Variants in SLC8A1 observed in about 807,000 individuals in gnomAD.
The protein encoded by SLC8A1 is solute carrier family 8 member A1, also known as sodium/calcium exchanger 1.
A neutral mutation model predicts 68.3 loss-of-function variants in SLC8A1; 18 were observed. That is an observed-to-expected ratio of 0.26 (90% CI 0.18 to 0.39). The LOEUF (loss-of-function observed/expected upper bound fraction) is 0.39. Among genes scored for constraint, SLC8A1 ranks in the 10% least tolerant of loss-of-function variants. The probability of loss-of-function intolerance (pLI) is 1.00; values close to 1 mark genes in which losing one functional copy is unlikely to be tolerated. For synonymous variants in SLC8A1, 475 were observed against 415.5 expected (o/e 1.14, Z -1.74); for missense variants, 985 against 1,156.7 (o/e 0.85, Z 2.15).
chr2:40,455,000 C>T (rs551559990), upstream of SLC8A1, among the ~76,000 whole-genome samples: 5 of 152,306 alleles, frequency 3.3e-5, no homozygotes, highest in East Asian at 7.7e-4. Context: ...ATATTGATTG[C>T]CATTCTTTCC....
chr2:40,238,833 C>A (rs1452292659), intron 2 of SLC8A1, among the ~76,000 whole-genome samples: 1 of 151,916 alleles, frequency 6.6e-6, no homozygotes. Context: ...TATATAGAAG[C>A]CATTTTCTCC....
intron 2 of SLC8A1, among the ~76,000 whole-genome samples, chr2:40,240,062 T>C (rs2061006119): frequency 6.6e-6 from 1 of 152,164 alleles, no homozygotes. Context: ...CTGGGAAACA[T>C]CTATGGAGCT....
chr2:40,508,618 TATCA>T (rs1457648928), intron 1 of SLC8A1, among the ~76,000 whole-genome samples: 1 of 152,166 alleles, frequency 6.6e-6, no homozygotes, highest in African/African-American at 2.4e-5. Flanking sequence ...AATAGACACA[TATCA>T]ATCCTTTATT....
exon 8 of SLC8A1, chr2:40,100,572 GCTTTAA>G (rs1352180215): frequency 6.6e-6 from 1 of 152,090 alleles, no homozygotes; most frequent in African/African-American, 2.4e-5. Context: ...TGTTGGTGAG[GCTTTAA>G]CTTTGATTAA....
At chr2:40,169,935 T>G (rs996391467) in intron 4 of SLC8A1, among the ~76,000 whole-genome samples, 2 of 151,980 alleles carry the variant, frequency 1.3e-5, no homozygotes, top group Admixed American at 6.6e-5. Flanking sequence ...ACAGAGAGAA[T>G]CCCCATCTCA....
intron 2 of SLC8A1, among the ~76,000 whole-genome samples, chr2:40,354,321 C>A (rs1672035019): frequency 6.6e-6 from 1 of 152,108 alleles, no homozygotes; most frequent in Non-Finnish European, 1.5e-5. Context: ...TCTGTATTCT[C>A]CCTTAAATTT....
At chr2:40,224,780 A>T (rs1276485250) in intron 2 of SLC8A1, among the ~76,000 whole-genome samples, 1 of 152,160 alleles carries the variant, frequency 6.6e-6, no homozygotes, top group Non-Finnish European at 1.5e-5. Context: ...GATGAGTTGC[A>T]ATCTATCCAT....
At chr2:40,352,815 C>T (rs1364218763) in intron 2 of SLC8A1, among the ~76,000 whole-genome samples, 1 of 152,174 alleles carries the variant, frequency 6.6e-6, no homozygotes, top group African/African-American at 2.4e-5. Context: ...TTCCACGTTA[C>T]TAAGGAGAGG....
At chr2:40,321,000 G>A (rs1257831576) in intron 2 of SLC8A1, among the ~76,000 whole-genome samples, 1 of 152,108 alleles carries the variant, frequency 6.6e-6, no homozygotes, top group Non-Finnish European at 1.5e-5. Flanking sequence ...GTGAGAAGGA[G>A]CCATGCAAGC....
chr2:40,261,719 T>A (rs905448321), intron 2 of SLC8A1, among the ~76,000 whole-genome samples: 2 of 105,222 alleles, frequency 1.9e-5, no homozygotes, highest in Non-Finnish European at 3.8e-5. Flanking sequence ...AAGAGAAAAA[T>A]GTGCGAGTGG....
intron 6 of SLC8A1, among the ~76,000 whole-genome samples, chr2:40,141,700 A>G (rs910513688): frequency 6.6e-6 from 1 of 152,196 alleles, no homozygotes; most frequent in Non-Finnish European, 1.5e-5. Context: ...TGTCTCCCCA[A>G]AATTCATATG....
At chr2:40,318,497 GAAAA>G (rs11411683) in intron 2 of SLC8A1, among the ~76,000 whole-genome samples, 1 of 150,898 alleles carries the variant, frequency 6.6e-6, no homozygotes, top group Non-Finnish European at 1.5e-5. Context: ...TTACAGAAAA[GAAAA>G]AAAAACTTTA....
intron 2 of SLC8A1, among the ~76,000 whole-genome samples, chr2:40,363,703 T>A (rs1420477072): frequency 6.6e-6 from 1 of 152,082 alleles, no homozygotes; most frequent in Non-Finnish European, 1.5e-5. Flanking sequence ...AATTTGCCCC[T>A]TTGTGGCAGG....
intron 4 of SLC8A1, among the ~76,000 whole-genome samples, chr2:40,168,997 C>A (rs913748498): frequency 7.9e-5 from 12 of 152,200 alleles, no homozygotes; most frequent in African/African-American, 2.7e-4. Context: ...AGTGGGGGAT[C>A]TCCCTTCTCC....
intron 2 of SLC8A1, chr2:40,210,065 T>C (rs2056300936): frequency 6.6e-6 from 1 of 152,190 alleles, no homozygotes; most frequent in South Asian, 2.1e-4. Flanking sequence ...CTAATCTAAT[T>C]CTGCTTTAGT....
chr2:40,415,073 G>C (rs1234562517), intron 2 of SLC8A1, among the ~76,000 whole-genome samples: 2 of 152,182 alleles, frequency 1.3e-5, no homozygotes, highest in Middle Eastern at 3.2e-3. Context: ...TTCATGGAAT[G>C]CATGAAGAAG....
At chr2:40,296,872 G>A (rs76061393) in intron 2 of SLC8A1, among the ~76,000 whole-genome samples, 1,555 of 152,176 alleles carry the variant, frequency 0.01, 29 homozygotes, top group African/African-American at 0.035. Context: ...ACAAAGCATT[G>A]GATGCACCTA....
intron 2 of SLC8A1, among the ~76,000 whole-genome samples, chr2:40,208,067 T>C (rs560591559): frequency 1.3e-5 from 2 of 152,230 alleles, no homozygotes; most frequent in South Asian, 4.1e-4. Context: ...CATACATGTA[T>C]ATTCACCTCT....
chr2:40,473,228 A>G (rs977124312), intron 1 of SLC8A1, among the ~76,000 whole-genome samples: 2 of 152,180 alleles, frequency 1.3e-5, no homozygotes, highest in African/African-American at 4.8e-5. Flanking sequence ...CTGGAAAATG[A>G]AAGACATAGA....
Sources: gnomAD v4.1 joint callset for allele counts (sites outside exome capture counted in the v4.1 genomes callset) on GRCh38, gnomAD v4.1.1 for gene constraint, MANE v1.5 for transcripts, NCBI Gene and HGNC (gene_info 2026-07-23, HGNC 2026-07-21) for gene names.